Variants in EPHA4 observed in about 807,000 individuals in gnomAD.
EPHA4 encodes the protein EPH receptor A4.
EPHA4 carries 19 observed loss-of-function variants against 108.3 expected under a neutral mutation model. That is an observed-to-expected ratio of 0.18 (90% CI 0.12 to 0.26). The LOEUF (loss-of-function observed/expected upper bound fraction) is 0.26. EPHA4 is among the 10% of genes least tolerant of loss of function. The probability of loss-of-function intolerance (pLI) is 1.00; values close to 1 mark genes in which losing one functional copy is unlikely to be tolerated. For synonymous variants in EPHA4, 449 were observed against 455.5 expected (o/e 0.99, Z 0.18); for missense variants, 917 against 1,254.0 (o/e 0.73, Z 4.06).
intron 3 of EPHA4, among the ~76,000 whole-genome samples, chr2:221,501,757 A>T (rs1028141901): frequency 6.6e-6 from 1 of 152,210 alleles, no homozygotes; most frequent in Non-Finnish European, 1.5e-5. Flanking sequence ...TCCCAATTAC[A>T]ACTACAGAAA....
chr2:221,522,010 T>C (rs1693180260), intron 3 of EPHA4, among the ~76,000 whole-genome samples: 1 of 151,478 alleles, frequency 6.6e-6, no homozygotes, highest in Non-Finnish European at 1.5e-5. Context: ...AAAAAACAAA[T>C]AAACAAAAAA....
chr2:221,443,767 G>A (rs1690506010), intron 9 of EPHA4, among the ~76,000 whole-genome samples, 161 bp from the exon 10 acceptor site: 1 of 152,082 alleles, frequency 6.6e-6, no homozygotes, highest in African/African-American at 2.4e-5. Flanking sequence ...TTCATTAGTG[G>A]GTAAACAAAA....
intron 3 of EPHA4, among the ~76,000 whole-genome samples, chr2:221,513,152 G>A (rs150184027): frequency 1.4e-3 from 216 of 152,248 alleles, no homozygotes; most frequent in African/African-American, 5.1e-3. Context: ...GGGTACTGTG[G>A]GTATCACCCA....
intron 3 of EPHA4, among the ~76,000 whole-genome samples, chr2:221,545,212 CCGAGGTGGGCGGATCACGAGGT>C (rs11272888): frequency 0.63 from 96,028 of 151,340 alleles, 31,614 homozygotes; most frequent in African/African-American, 0.8. Flanking sequence ...CTTTGGGAGA[CCGAGGTGGGCGGATCACGAGGT>C]CGAGGTGGGC....
chr2:221,485,765 T>A (rs1344902718), intron 4 of EPHA4, among the ~76,000 whole-genome samples: 1 of 152,086 alleles, frequency 6.6e-6, no homozygotes, highest in South Asian at 2.1e-4. Flanking sequence ...CATCTCCTCT[T>A]TAGGAGGAGG....
At chr2:221,499,715 A>AATATAT (rs369326575) in intron 4 of EPHA4, among the ~76,000 whole-genome samples, 65 of 48,440 alleles carry the variant, frequency 1.3e-3, no homozygotes, top group Admixed American at 1.7e-3. Context: ...AACTAAAACT[A>AATATAT]ATATATATAT....
At chr2:221,428,067 T>TTACC (rs1272837244) in intron 15 of EPHA4, among the ~76,000 whole-genome samples, 2 of 152,208 alleles carry the variant, frequency 1.3e-5, no homozygotes, top group African/African-American at 4.8e-5. Flanking sequence ...ACAACAAATG[T>TTACC]TACCACATAG....
chr2:221,435,280 A>T (rs993977593), intron 13 of EPHA4, among the ~76,000 whole-genome samples: 6 of 152,164 alleles, frequency 3.9e-5, no homozygotes, highest in Admixed American at 3.9e-4. Flanking sequence ...ATATTTGGCT[A>T]AGGTTTTATC....
rs369620156 is a variant in EPHA4, at chr2:221,432,239, C to T, written c.2496+1903G>A. Among the ~76,000 whole-genome samples, 6 of 152,070 alleles carry T rather than the reference C, an allele frequency of 3.9e-5. No individual in the cohort carries two copies. In the East Asian group the frequency reaches 1.2e-3, roughly 29 times the overall value. On this transcript the variant is annotated intron_variant, in intron 14 of 17. Transcript: ENST00000281821. ...AAAACTGACATCTTTAGATACTCTGCTCTTACGAACATTTGGCCATGATTT... is the reference window on the plus strand; with the variant it reads ...AAAACTGACATCTTTAGATACTCTGTTCTTACGAACATTTGGCCATGATTT...
At chr2:221,452,844 G>T (rs1420613873) in intron 8 of EPHA4, among the ~76,000 whole-genome samples, 1 of 152,090 alleles carries the variant, frequency 6.6e-6, no homozygotes, top group Non-Finnish European at 1.5e-5. Context: ...ATAATAAAGT[G>T]ATCAATAAAA....
intron 8 of EPHA4, among the ~76,000 whole-genome samples, chr2:221,451,848 C>T (rs188139400): frequency 4.6e-5 from 7 of 152,222 alleles, no homozygotes; most frequent in African/African-American, 7.2e-5. Context: ...TCTTTCACCG[C>T]GATCCCTAAA....
chr2:221,476,587 G>A (rs1450659164), intron 5 of EPHA4, among the ~76,000 whole-genome samples: 1 of 152,186 alleles, frequency 6.6e-6, no homozygotes, highest in Non-Finnish European at 1.5e-5. Context: ...TCACACAATA[G>A]TTGTTTAAGC....
chr2:221,544,362 A>G (rs1693923311), intron 3 of EPHA4, among the ~76,000 whole-genome samples: 2 of 152,032 alleles, frequency 1.3e-5, no homozygotes, highest in Admixed American at 1.3e-4. Flanking sequence ...GGCTCACTCT[A>G]TCACCCAGGC....
intron 4 of EPHA4, among the ~76,000 whole-genome samples, chr2:221,484,871 G>A (rs1300036090): frequency 1.3e-5 from 2 of 152,166 alleles, no homozygotes; most frequent in Non-Finnish European, 2.9e-5. Flanking sequence ...AAGGTATAAT[G>A]ATAACAAAAG....
At chr2:221,469,106 G>A (rs1343077276) in intron 5 of EPHA4, among the ~76,000 whole-genome samples, 3 of 152,230 alleles carry the variant, frequency 2.0e-5, no homozygotes, top group Non-Finnish European at 4.4e-5. Context: ...AATGAATGAA[G>A]TGAGGTATAT....
chr2:221,545,351 C>T (rs567148497), intron 3 of EPHA4, among the ~76,000 whole-genome samples: 326 of 152,168 alleles, frequency 2.1e-3, no homozygotes, highest in Non-Finnish European at 3.8e-3. Context: ...TACCTATAGT[C>T]CCAGCTACTC....
intron 16 of EPHA4, 86 bp downstream of exon 16, chr2:221,426,378 T>C (rs933800307): frequency 5.5e-6 from 8 of 1,460,224 alleles, no homozygotes; most frequent in Middle Eastern, 2.3e-4. Context: ...TTTAAATGAG[T>C]AGGATGATTA....
chr2:221,444,764 T>TC (rs1690539696), intron 9 of EPHA4, among the ~76,000 whole-genome samples: 1 of 137,630 alleles, frequency 7.3e-6, no homozygotes, highest in Non-Finnish European at 1.6e-5. Context: ...TTTTTTTTTT[T>TC]TTTTTTTTCT....
chr2:221,524,262 G>A (rs949443539), intron 3 of EPHA4, among the ~76,000 whole-genome samples: 1 of 152,180 alleles, frequency 6.6e-6, no homozygotes, highest in African/African-American at 2.4e-5. Flanking sequence ...AACCCATCAG[G>A]TACTGCCTGA....
Sources: gnomAD v4.1 joint callset for allele counts (sites outside exome capture counted in the v4.1 genomes callset) on GRCh38, gnomAD v4.1.1 for gene constraint, MANE v1.5 for transcripts, NCBI Gene and HGNC (gene_info 2026-07-23, HGNC 2026-07-21) for gene names.